The following CHMP4B variants were observed in gnomAD, a reference collection of about 807,000 sequenced individuals.
CHMP4B encodes charged multivesicular body protein 4B, also known as SNF7 homolog associated with Alix 1.
A neutral mutation model predicts 25.1 loss-of-function variants in CHMP4B; 1 was observed. That is an observed-to-expected ratio of 0.04 (90% CI 0.01 to 0.19). CHMP4B has a LOEUF of 0.19. Among genes scored for constraint, CHMP4B ranks in the 10% least tolerant of loss-of-function variants. The pLI is 1.00. For synonymous variants in CHMP4B, 101 were observed against 115.6 expected (o/e 0.87, Z 0.81); for missense variants, 151 against 289.7 (o/e 0.52, Z 3.48).
At chr20:33,820,144 C>T (rs1425273272) in intron 1 of CHMP4B, among the ~76,000 whole-genome samples, 1 of 151,954 alleles carries the variant, frequency 6.6e-6, no homozygotes, top group African/African-American at 2.4e-5. Flanking sequence ...CACCACTGCA[C>T]TCCAGCCTGG....
At chr20:33,826,276 G>A (rs182810032) in intron 1 of CHMP4B, among the ~76,000 whole-genome samples, 181 of 152,238 alleles carry the variant, frequency 1.2e-3, no homozygotes, top group African/African-American at 4.1e-3. Context: ...GGAAGGAGGA[G>A]GCTGGTAGGA....
intron 1 of CHMP4B, among the ~76,000 whole-genome samples, chr20:33,830,933 G>GTTTTTTTTTTTTTTTTTT (rs55917511): frequency 1.5e-4 from 15 of 102,570 alleles, no homozygotes; most frequent in Admixed American, 3.5e-4. Flanking sequence ...AAGGAACAGA[G>GTTTTTTTTTTTTTTTTTT]TTTTTTTTTT....
intron 1 of CHMP4B, among the ~76,000 whole-genome samples, chr20:33,838,795 A>G (rs1302752854): frequency 6.6e-6 from 1 of 152,088 alleles, no homozygotes; most frequent in Non-Finnish European, 1.5e-5. Flanking sequence ...TTGATCACCA[A>G]GAGCTACTCC....
intron 1 of CHMP4B, among the ~76,000 whole-genome samples, chr20:33,842,810 G>C (rs1017975558): frequency 3.9e-5 from 6 of 152,166 alleles, no homozygotes; most frequent in Non-Finnish European, 8.8e-5. Flanking sequence ...TTTAGTGAGA[G>C]CATATTATTG....
chr20:33,849,840 A>G (rs1979798300), intron 2 of CHMP4B, among the ~76,000 whole-genome samples: 1 of 152,138 alleles, frequency 6.6e-6, no homozygotes, highest in South Asian at 2.1e-4. Flanking sequence ...CTGTGGCCCA[A>G]TCCTAGCTCA....
chr20:33,853,939 A>C lies in CHMP4B; in HGVS notation c.*379A>C, dbSNP rs1199231281. The C allele has an allele frequency of 3.0e-6, 1 of 329,216 alleles. No homozygotes were observed. Among genetic ancestry groups the C allele is most frequent in the Non-Finnish European group, 5.9e-6 (1 of 170,904 alleles). The allele number at this position is 329,216 out of a possible 1,614,324, so 20.4% of individuals were successfully genotyped here. On this transcript the variant is annotated 3_prime_UTR_variant, in exon 5 of 5. Transcript: ENST00000217402. ...AATGTAGCCTCTGTCCTTGTAAGTC[A>C]GTTGACTTGCCGCACATCTCTTTGT...
At chr20:33,818,936 GT>G (rs1978858733) in intron 1 of CHMP4B, among the ~76,000 whole-genome samples, 1 of 151,724 alleles carries the variant, frequency 6.6e-6, no homozygotes, top group South Asian at 2.1e-4. Context: ...TTGAGATGGA[GT>G]TTTGCTCTGT....
chr20:33,850,882 C>A, intron 2 of CHMP4B, 70 bp from the exon 3 acceptor site: 1 of 1,118,180 alleles, frequency 8.9e-7, no homozygotes. Flanking sequence ...TTTCTGCTCC[C>A]GCCTTGCCTT....
chr20:33,838,988 TCTG>T lies in CHMP4B; in HGVS notation c.191-9473_191-9471del, dbSNP rs143559609. On this transcript the variant is annotated intron_variant, in intron 1 of 4. Coordinates refer to ENST00000217402, the MANE Select transcript of CHMP4B (RefSeq NM_176812.5). The stretch of plus-strand genomic sequence containing the variant: ...CGCCTGCTGACCCAGTCTGGAATAA[TCTG>T]CTGCTTACTTTGGGTCTCTGCTACT... 1.5e-3 allele frequency among the ~76,000 whole-genome samples: 235 copies of T among 152,250 alleles called. 6 individuals are homozygous for T. The East Asian group carries it at 0.042, about 27-fold the overall frequency.
At chr20:33,838,430 T>C (rs1242700827) in intron 1 of CHMP4B, among the ~76,000 whole-genome samples, 1 of 152,192 alleles carries the variant, frequency 6.6e-6, no homozygotes, top group African/African-American at 2.4e-5. Context: ...GCTGCTCTGC[T>C]CTAGTGGATC....
At chr20:33,849,575 G>T (rs2122815944) in intron 2 of CHMP4B, among the ~76,000 whole-genome samples, 1 of 152,206 alleles carries the variant, frequency 6.6e-6, no homozygotes, top group East Asian at 1.9e-4. Flanking sequence ...TCCAGCCTGG[G>T]CGACAGAGTG....
intron 1 of CHMP4B, among the ~76,000 whole-genome samples, chr20:33,829,618 T>C (rs752957509): frequency 3.3e-5 from 5 of 152,240 alleles, no homozygotes; most frequent in Non-Finnish European, 7.3e-5. Context: ...AGAAAGACTT[T>C]CCTGATCATT....
intron 2 of CHMP4B, 81 bp from the exon 3 acceptor site, chr20:33,850,871 G>A (rs1018526307): frequency 4.0e-6 from 4 of 1,001,948 alleles, no homozygotes; most frequent in Non-Finnish European, 6.4e-6. Context: ...GTGGGGCCCA[G>A]TTTCTGCTCC....
At chr20:33,846,738 C>T (rs1227424536) in intron 1 of CHMP4B, among the ~76,000 whole-genome samples, 1 of 152,148 alleles carries the variant, frequency 6.6e-6, no homozygotes, top group Non-Finnish European at 1.5e-5. Context: ...GGGTTTTGAC[C>T]TCCAGTCTGC....
chr20:33,838,083 G>C (rs1046537078), intron 1 of CHMP4B, among the ~76,000 whole-genome samples: 4 of 152,202 alleles, frequency 2.6e-5, no homozygotes, highest in African/African-American at 9.7e-5. Context: ...CACAGGACCC[G>C]TGTTGCAGGT....
At chr20:33,847,843 T>C (rs918433272) in intron 1 of CHMP4B, among the ~76,000 whole-genome samples, 1 of 152,170 alleles carries the variant, frequency 6.6e-6, no homozygotes, top group Non-Finnish European at 1.5e-5. Context: ...TGATGGTTGT[T>C]GCTGTGTGTT....
chr20:33,834,208 A>C (rs1341244239), intron 1 of CHMP4B, among the ~76,000 whole-genome samples: 2 of 151,506 alleles, frequency 1.3e-5, no homozygotes, highest in African/African-American at 2.4e-5. Context: ...TATTTCATTG[A>C]CCTTCTTTCT....
Position 33,853,578 on chromosome 20 carries a change from T to TG in CHMP4B, c.*21dup. ...CCATGTAATGGGGTCCAGCGCTGGC[T>TG]GGGCCCAGACAGACTGTGGTGGCCT... is the stretch of plus-strand genomic sequence containing the variant. On this transcript the variant is annotated 3_prime_UTR_variant, in exon 5 of 5. Coordinates refer to ENST00000217402, the MANE Select transcript of CHMP4B (RefSeq NM_176812.5). The TG allele has an allele frequency of 6.2e-7, 1 of 1,612,432 alleles. No homozygotes were observed.
chr20:33,849,135 T>A (rs987238268), intron 2 of CHMP4B, among the ~76,000 whole-genome samples: 4 of 152,226 alleles, frequency 2.6e-5, no homozygotes, highest in African/African-American at 4.8e-5. Context: ...CCTCTCTTGC[T>A]CTCCGGCTGT....
Sources: allele counts gnomAD v4.1 joint callset (sites outside exome capture counted in the v4.1 genomes callset), GRCh38; gene constraint gnomAD v4.1.1; transcripts MANE v1.5; gene names NCBI Gene and HGNC (gene_info 2026-07-23, HGNC 2026-07-21).